MBNL2: variants seen among roughly 807,000 people sequenced by gnomAD.
MBNL2 encodes muscleblind like splicing regulator 2, also known as muscleblind-like protein 2.
A neutral mutation model predicts 41.9 loss-of-function variants in MBNL2; 17 were observed. The observed-to-expected ratio is 0.41, with a 90% CI of 0.28 to 0.61. MBNL2 has a LOEUF of 0.61. Among genes scored for constraint, MBNL2 ranks in the 20% least tolerant of loss-of-function variants. The probability of loss-of-function intolerance (pLI) is 0.35; values close to 1 mark genes in which losing one functional copy is unlikely to be tolerated. For synonymous variants in MBNL2, 195 were observed against 182.9 expected (o/e 1.07, Z -0.53); for missense variants, 336 against 505.6 (o/e 0.66, Z 3.22).
the MBNL2 span, among the ~76,000 whole-genome samples, chr13:97,179,785 A>G: frequency 6.6e-6 from 1 of 152,188 alleles, no homozygotes; most frequent in Non-Finnish European, 1.5e-5. Context: ...CAAGGAGAAA[A>G]GGAGCATGGA....
At position 97,284,090 on chromosome 13, in the gene MBNL2, T is replaced by C. The variant is rs114940926; in HGVS notation, c.174+7681T>C. On this transcript the variant is annotated intron_variant, in intron 2 of 8. Coordinates refer to ENST00000679496, the MANE Select transcript of MBNL2 (RefSeq NM_001382683.1). ...TTAGACAGGATCATCTCTGTTTCAG[T>C]TTCCTAGGGCTGTCACAACAAAGTA... 2.2e-3 allele frequency among the ~76,000 whole-genome samples: 338 copies of C among 152,314 alleles called. 1 individual carries two copies. Among genetic ancestry groups the C allele is most frequent in the African/African-American group, 7.3e-3 (304 of 41,568 alleles).
At chr13:97,370,905 G>A (rs1421784387) in intron 8 of MBNL2, among the ~76,000 whole-genome samples, 1 of 152,094 alleles carries the variant, frequency 6.6e-6, no homozygotes, top group African/African-American at 2.4e-5. Flanking sequence ...TTGGTTGGGG[G>A]GGAAATGATA....
At chr13:97,338,185 G>A (rs1044862038) in intron 3 of MBNL2, among the ~76,000 whole-genome samples, 12 of 152,098 alleles carry the variant, frequency 7.9e-5, no homozygotes, top group African/African-American at 2.7e-4. Context: ...ATCTGGTCAC[G>A]ACCCTGCCTA....
At chr13:97,148,736 C>CT in the MBNL2 span, among the ~76,000 whole-genome samples, 1 of 152,164 alleles carries the variant, frequency 6.6e-6, no homozygotes, top group Admixed American at 6.5e-5. Context: ...TATATTTATG[C>CT]TAAGGTATAC....
intron 3 of MBNL2, among the ~76,000 whole-genome samples, chr13:97,339,866 T>G: frequency 2.5e-5 from 2 of 79,436 alleles, no homozygotes; most frequent in Non-Finnish European, 2.4e-5. Flanking sequence ...AACTGATTTG[T>G]GTGTGGGCGG....
At chr13:97,186,071 G>A in the MBNL2 span, among the ~76,000 whole-genome samples, 1 of 152,134 alleles carries the variant, frequency 6.6e-6, no homozygotes, top group African/African-American at 2.4e-5. Flanking sequence ...TGATAACTCA[G>A]CCCTTGTCTC....
At chr13:97,351,384 C>A (rs540775796) in intron 5 of MBNL2, among the ~76,000 whole-genome samples, 1 of 152,204 alleles carries the variant, frequency 6.6e-6, no homozygotes, top group Non-Finnish European at 1.5e-5. Flanking sequence ...TCACCAGCTG[C>A]ATTAGCTTCT....
chr13:97,217,955 T>C (rs951845851), upstream of MBNL2, among the ~76,000 whole-genome samples: 4 of 152,194 alleles, frequency 2.6e-5, no homozygotes, highest in East Asian at 7.7e-4. Context: ...TGGTTGTTGG[T>C]GATGATAAAG....
chr13:97,357,646 T>G lies in MBNL2; in HGVS notation c.1012+11T>G. The G allele has an allele frequency of 6.2e-7, 1 of 1,613,236 alleles. No individual in the cohort carries two copies. Among genetic ancestry groups the G allele is most frequent in the South Asian group, 1.1e-5 (1 of 91,064 alleles). On this transcript the variant is annotated intron_variant, in intron 7 of 8. Transcript: ENST00000679496. Reference sequence around the variant, plus strand: ...CGTTCATTCCAACAGGTATGTGCCCTTACTGCCCTACGTCCTGTGCCCTTC... The same window carrying G: ...CGTTCATTCCAACAGGTATGTGCCCGTACTGCCCTACGTCCTGTGCCCTTC...
intron 7 of MBNL2, among the ~76,000 whole-genome samples, chr13:97,362,573 T>C (rs954541518): frequency 6.6e-6 from 1 of 152,120 alleles, no homozygotes; most frequent in African/African-American, 2.4e-5. Context: ...GTCTGGAGCA[T>C]GGTGCCAGGG....
At chr13:97,296,989 G>A (rs1327562028) in intron 2 of MBNL2, among the ~76,000 whole-genome samples, 2 of 152,200 alleles carry the variant, frequency 1.3e-5, no homozygotes, top group South Asian at 2.1e-4. Flanking sequence ...CCCAGTCAAG[G>A]CTCTTGTCTG....
chr13:97,230,392 G>A (rs2042221037), intron 1 of MBNL2, among the ~76,000 whole-genome samples: 1 of 152,182 alleles, frequency 6.6e-6, no homozygotes, highest in African/African-American at 2.4e-5. Context: ...TGAGAATGGT[G>A]TTTTTAGCTA....
At chr13:97,244,461 TAG>T (rs768160110) in intron 1 of MBNL2, among the ~76,000 whole-genome samples, 8 of 152,164 alleles carry the variant, frequency 5.3e-5, no homozygotes, top group Non-Finnish European at 1.0e-4. Context: ...GGGAAACAAA[TAG>T]AGACAAGTCA....
At chr13:97,281,912 G>A (rs2053509334) in intron 2 of MBNL2, among the ~76,000 whole-genome samples, 1 of 152,172 alleles carries the variant, frequency 6.6e-6, no homozygotes, top group Admixed American at 6.5e-5. Flanking sequence ...CTCACTCCAG[G>A]TAAGTGTGGC....
At chr13:97,371,852 G>A (rs1252688843) in intron 8 of MBNL2, among the ~76,000 whole-genome samples, 1 of 152,208 alleles carries the variant, frequency 6.6e-6, no homozygotes, top group Non-Finnish European at 1.5e-5. Flanking sequence ...GGTAGAAAGA[G>A]AGATTGAGGC....
the MBNL2 span, among the ~76,000 whole-genome samples, chr13:97,150,773 C>T: frequency 3.3e-5 from 5 of 152,104 alleles, no homozygotes; most frequent in African/African-American, 7.2e-5. Context: ...CTTAGCTTCC[C>T]GAGTATTTGG....
chr13:97,155,041 G>T, the MBNL2 span, among the ~76,000 whole-genome samples: 10 of 152,184 alleles, frequency 6.6e-5, no homozygotes, highest in East Asian at 1.5e-3. Flanking sequence ...TTCAACTGTG[G>T]TATGTTCAAT....
the MBNL2 span, among the ~76,000 whole-genome samples, chr13:97,147,587 G>A: frequency 3.3e-5 from 5 of 152,224 alleles, no homozygotes; most frequent in South Asian, 8.3e-4. Flanking sequence ...TAAAGTTTAG[G>A]AGATATTTGG....
intron 1 of MBNL2, among the ~76,000 whole-genome samples, chr13:97,247,882 C>T (rs962925970): frequency 6.6e-5 from 10 of 152,206 alleles, no homozygotes; most frequent in Admixed American, 1.3e-4. Context: ...TACTACTCAA[C>T]ACTTTCTCCC....
Sources: allele counts gnomAD v4.1 joint callset (sites outside exome capture counted in the v4.1 genomes callset), GRCh38; gene constraint gnomAD v4.1.1; transcripts MANE v1.5; gene names NCBI Gene and HGNC (gene_info 2026-07-23, HGNC 2026-07-21).